ZNF766: variants seen among roughly 807,000 people sequenced by gnomAD.
The protein encoded by ZNF766 is zinc finger protein 766.
In ZNF766, 13 loss-of-function variants were observed where a neutral mutation model predicts 13.2. The ratio of observed to expected loss-of-function variants is 0.98; its 90% CI spans 0.64 to 1.56. ZNF766 has a LOEUF of 1.56. ZNF766 is among the 40% of genes most tolerant of loss of function. The pLI is 0.00. For synonymous variants in ZNF766, 178 were observed against 187.6 expected (o/e 0.95, Z 0.42); for missense variants, 521 against 552.2 (o/e 0.94, Z 0.57).
At chr19:52,280,652 A>T (rs1981459312) in intron 1 of ZNF766, among the ~76,000 whole-genome samples, 1 of 152,016 alleles carries the variant, frequency 6.6e-6, no homozygotes, top group East Asian at 2.0e-4. Flanking sequence ...GCGTGATCTC[A>T]GCTCACTGCA....
In ZNF766 at chr19:52,291,263, A is replaced by G; in HGVS notation, c.*65A>G. The G allele has an allele frequency of 6.9e-7, 1 of 1,443,950 alleles. No individual in the cohort carries two copies. The highest frequency in any genetic ancestry group is 9.3e-7 in the Non-Finnish European group (1 of 1,072,048). 89.4% of individuals were successfully genotyped at this position (1,443,950 alleles called of 1,614,324 possible). A position where few individuals can be genotyped will look rare whatever the true frequency, so the allele number is the denominator to read the frequency against. ...ATCCGAGAGTCTATACTAGAAAGAA[A>G]TCATTTAAATGTACTATATGTGGCA... On this transcript the variant is annotated 3_prime_UTR_variant, in exon 4 of 4. Transcript: ENST00000439461.
At chr19:52,282,943 G>T (rs1212441861) in intron 2 of ZNF766, among the ~76,000 whole-genome samples, 1 of 152,130 alleles carries the variant, frequency 6.6e-6, no homozygotes, top group Non-Finnish European at 1.5e-5. Context: ...TTGAATTCTT[G>T]ATTAGTTTTT....
chr19:52,279,286 A>G (rs183731239), intron 1 of ZNF766, among the ~76,000 whole-genome samples: 3 of 152,246 alleles, frequency 2.0e-5, no homozygotes, highest in African/African-American at 4.8e-5. Context: ...GCCTTGTGGT[A>G]TAGTTTGAAG....
intron 1 of ZNF766, among the ~76,000 whole-genome samples, chr19:52,270,672 A>G (rs1020577340): frequency 3.3e-5 from 5 of 152,284 alleles, no homozygotes; most frequent in Middle Eastern, 3.4e-3. Flanking sequence ...GGAATTTAAC[A>G]GGAGGAGCAC....
intron 1 of ZNF766, among the ~76,000 whole-genome samples, chr19:52,271,441 C>T (rs1380491364): frequency 1.3e-5 from 2 of 152,092 alleles, no homozygotes; most frequent in African/African-American, 4.8e-5. Flanking sequence ...GATCTCCAAC[C>T]GGCCCACCCA....
intron 3 of ZNF766, among the ~76,000 whole-genome samples, chr19:52,286,017 G>A (rs773597643): frequency 3.3e-5 from 5 of 151,982 alleles, no homozygotes; most frequent in Non-Finnish European, 5.9e-5. Context: ...ATTCTGAATC[G>A]AAATAATGGA....
chr19:52,290,268 C>T lies in ZNF766; in HGVS notation c.477C>T (p.His159=). 1 of 1,613,886 alleles carries T rather than the reference C, an allele frequency of 6.2e-7. No homozygotes were observed. Among genetic ancestry groups the T allele is most frequent in the Non-Finnish European group, 8.5e-7 (1 of 1,179,908 alleles). Residue 159 remains histidine (H), a synonymous_variant, in exon 4 of 4, where the codon CAC becomes CAT. Coordinates refer to ENST00000439461, the MANE Select transcript of ZNF766 (RefSeq NM_001010851.3). The part of the protein sequence containing the change: ...LQRIYSGVKT[H]IFNKHRNDFV... ...GAATTTACTCTGGGGTCAAAACCCA[C>T]ATATTTAATAAACATAGGAATGATT...
chr19:52,277,087 T>G (rs1981241328), intron 1 of ZNF766: 1 of 1,005,190 alleles, frequency 9.9e-7, no homozygotes, highest in Non-Finnish European at 1.2e-6. Context: ...TCCCTGCGTG[T>G]GTGGTTGTGG....
intron 1 of ZNF766, among the ~76,000 whole-genome samples, chr19:52,279,604 A>G (rs1981382341): frequency 6.6e-6 from 1 of 152,058 alleles, no homozygotes. Context: ...GTGCAGTAGT[A>G]TAAGCCTATA....
intron 3 of ZNF766, among the ~76,000 whole-genome samples, chr19:52,286,049 A>T (rs1198579554): frequency 6.6e-6 from 1 of 151,814 alleles, no homozygotes; most frequent in African/African-American, 2.4e-5. Flanking sequence ...TCAGTAATCA[A>T]TGAAAGAGAG....
At chr19:52,279,647 A>T (rs964934107) in intron 1 of ZNF766, among the ~76,000 whole-genome samples, 1 of 151,916 alleles carries the variant, frequency 6.6e-6, no homozygotes, top group Middle Eastern at 3.2e-3. Context: ...AGATGGTAGG[A>T]TCTCTTGAGT....
At position 52,282,218 on chromosome 19, in the gene ZNF766, C is replaced by T. The variant is rs768947489; in HGVS notation, c.126C>T (p.Tyr42=). Residue 42 remains tyrosine (Y), a synonymous_variant, in exon 2 of 4, where the codon TAC becomes TAT. Transcript: ENST00000439461. ...ALYRDVMLEN[Y]RNLVSLGICL... The stretch of plus-strand genomic sequence containing the variant: ...ACAGGGATGTGATGTTGGAGAACTA[C>T]AGGAACCTGGTCTCCCTGGGTAAGG... The T allele has an allele frequency of 6.2e-6, 10 of 1,603,174 alleles. No individual in the cohort carries two copies. In the African/African-American group the frequency reaches 9.4e-5, roughly 15 times the overall value.
chr19:52,269,704 G>A (rs1189973005), intron 1 of ZNF766, 73 bp downstream of exon 1: 36 of 1,581,360 alleles, frequency 2.3e-5, no homozygotes, highest in East Asian at 1.4e-4. Flanking sequence ...GGATGTGGGG[G>A]GCGGTACAGA....
intron 2 of ZNF766, chr19:52,282,449 A>G: frequency 2.7e-6 from 1 of 367,270 alleles, no homozygotes; most frequent in Non-Finnish European, 5.0e-6. Flanking sequence ...CAACCTGACC[A>G]AAATGATAAA....
At chr19:52,277,906 A>G (rs149136418) in intron 1 of ZNF766, among the ~76,000 whole-genome samples, 6 of 151,944 alleles carry the variant, frequency 3.9e-5, no homozygotes, top group African/African-American at 9.7e-5. Context: ...GCCCACAGAA[A>G]TCACCTATTA....
At chr19:52,286,731 T>G (rs770300300) in intron 3 of ZNF766, among the ~76,000 whole-genome samples, 4 of 152,234 alleles carry the variant, frequency 2.6e-5, no homozygotes, top group Non-Finnish European at 5.9e-5. Flanking sequence ...AAATAAATCT[T>G]ACTTGGTCAT....
intron 1 of ZNF766, among the ~76,000 whole-genome samples, chr19:52,271,530 C>T (rs1356967844): frequency 6.6e-6 from 1 of 152,196 alleles, no homozygotes; most frequent in African/African-American, 2.4e-5. Context: ...GCTGACCCTG[C>T]GATTGTGCAC....
chr19:52,269,597 G>A lies in ZNF766; in HGVS notation c.-17G>A, dbSNP rs765552027. On this transcript the variant is annotated 5_prime_UTR_variant, in exon 1 of 4. It adds an upstream start codon to the 5' untranslated region. Coordinates refer to ENST00000439461, the MANE Select transcript of ZNF766 (RefSeq NM_001010851.3). ...CGCGCAGCCGCCTGCAGACCCGGAA[G>A]TGGATGGCGTGGAGATATGGCGCAA... The A allele has an allele frequency of 3.8e-5, 62 of 1,612,248 alleles. No individual in the cohort carries two copies. In the South Asian group the frequency reaches 6.4e-4, roughly 17 times the overall value.
chr19:52,294,489 G>A lies in ZNF766; in HGVS notation c.*3291G>A, dbSNP rs35893956. 9,839 of 152,192 alleles carry A rather than the reference G, an allele frequency of 0.065. 464 individuals are homozygous for A. The highest frequency in any genetic ancestry group is 0.18 in the East Asian group (916 of 5,166). 9.4% of individuals were successfully genotyped at this position (152,192 alleles called of 1,614,324 possible). A position where few individuals can be genotyped will look rare whatever the true frequency, so the allele number is the denominator to read the frequency against. ...TGGGGAGAGCAGGGTAGACTTCCCC[G>A]GTTGGTCCAAATATGACTAGGGAAT... On this transcript the variant is annotated 3_prime_UTR_variant, in exon 4 of 4. Coordinates refer to ENST00000439461, the MANE Select transcript of ZNF766 (RefSeq NM_001010851.3).
Sources: gnomAD v4.1 joint callset for allele counts (sites outside exome capture counted in the v4.1 genomes callset) on GRCh38, gnomAD v4.1.1 for gene constraint, MANE v1.5 for transcripts, NCBI Gene and HGNC (gene_info 2026-07-23, HGNC 2026-07-21) for gene names.